EPS8: variants seen among roughly 807,000 people sequenced by gnomAD.
EPS8 encodes epidermal growth factor receptor kinase substrate 8.
In EPS8, 42 loss-of-function variants were observed where a neutral mutation model predicts 103.8. That is an observed-to-expected ratio of 0.40 (90% CI 0.32 to 0.52). EPS8 has a LOEUF of 0.52. Among genes scored for constraint, EPS8 ranks in the 20% least tolerant of loss-of-function variants. The probability of loss-of-function intolerance (pLI) is 0.40; values close to 1 mark genes in which losing one functional copy is unlikely to be tolerated. For missense variants in EPS8, 969 were observed against 1,005.1 expected, an observed-to-expected ratio of 0.96 and a Z score of 0.49; for synonymous variants, 344 against 344.6, an observed-to-expected ratio of 1.00 and a Z score of 0.02.
intron 6 of EPS8, among the ~76,000 whole-genome samples, chr12:15,667,412 T>C (rs1283996980): frequency 6.6e-6 from 1 of 152,178 alleles, no homozygotes; most frequent in Admixed American, 6.5e-5. Context: ...GAGAGGCCAA[T>C]GCATCCCAGT....
chr12:15,685,848 C>G (rs192365610), intron 1 of EPS8, among the ~76,000 whole-genome samples: 66 of 152,226 alleles, frequency 4.3e-4, no homozygotes, highest in Admixed American at 1.4e-3. Context: ...AAATAATGAT[C>G]AACTCTAACT....
chr12:15,645,237 T>C (rs910289976), intron 15 of EPS8, among the ~76,000 whole-genome samples: 4 of 152,138 alleles, frequency 2.6e-5, no homozygotes, highest in East Asian at 1.9e-4. Context: ...GAAACAAATA[T>C]TATTGAGAAT....
chr12:15,669,494 G>C lies in EPS8; in HGVS notation c.409C>G (p.Gln137Glu), dbSNP rs1945774353. Residue 137 changes from glutamine (Q) to glutamate (E), a missense_variant, in exon 6 of 21, where the codon CAA (glutamine) becomes GAA (glutamate). By Grantham distance (29) the Gln-to-Glu change is conservative. Transcript: ENST00000281172. ...NFPLNTIQHCQAVMHSCSYDS... is the reference protein window; with the variant it reads ...NFPLNTIQHCEAVMHSCSYDS... ...TAGCTGCATGAATGCATCACAGCTT[G>C]GCAGTGCTGGATTGTGTTTAAAGGA... The C allele has an allele frequency of 1.2e-6, 2 of 1,613,190 alleles. No individual in the cohort carries two copies. Among genetic ancestry groups the C allele is most frequent in the Admixed American group, 1.7e-5 (1 of 59,840 alleles).
rs1946996822 is a variant in EPS8 at position 15,757,361 on chromosome 12, TGGCTCACAC to T, written c.-22+31791_-22+31799del. On this transcript the variant is annotated intron_variant, in intron 1 of 20. Transcript: ENST00000281172. This position sits in a 1 kb window ranked among gnomAD's most constrained non-coding sequence, Gnocchi z 4.1. Reference sequence around the variant, plus strand: ...AGATGAAGAGATGGGCCAGGCACAGTGGCTCACACCTGGAATCCCAGAACTTTGGGAGGC... The same window carrying T: ...AGATGAAGAGATGGGCCAGGCACAGTCTGGAATCCCAGAACTTTGGGAGGC... Among the ~76,000 whole-genome samples, 10 of 152,274 alleles carry T rather than the reference TGGCTCACAC, an allele frequency of 6.6e-5. No homozygotes were observed. The highest frequency in any genetic ancestry group is 1.9e-4 in the African/African-American group (8 of 41,534).
chr12:15,622,062 C>T (rs544975207), intron 20 of EPS8, among the ~76,000 whole-genome samples: 1 of 152,238 alleles, frequency 6.6e-6, no homozygotes, highest in Non-Finnish European at 1.5e-5. Context: ...GAACAAGAAG[C>T]AAGAGACCAT....
chr12:15,708,575 A>G (rs977354011), intron 1 of EPS8, among the ~76,000 whole-genome samples: 1 of 152,206 alleles, frequency 6.6e-6, no homozygotes, highest in African/African-American at 2.4e-5. Context: ...GTGCATGTAC[A>G]CTTTGTGTAG....
rs1946763153 is a variant in EPS8 at position 15,735,921 on chromosome 12, T to C, written c.-21-52949A>G. ...TGTGTTTTGTGACAGGGTCTTGCTC[T>C]ATTGCCCAGGCTGAAGTACAGTGTC... On this transcript the variant is annotated intron_variant, in intron 1 of 20. Coordinates refer to ENST00000281172, the MANE Select transcript of EPS8 (RefSeq NM_004447.6). This position sits in a 1 kb window ranked among gnomAD's most constrained non-coding sequence, Gnocchi z 4.4. Among the ~76,000 whole-genome samples the C allele has an allele frequency of 6.6e-6, 1 of 152,236 alleles. No homozygotes were observed. The highest frequency in any genetic ancestry group is 2.4e-5 in the African/African-American group (1 of 41,454).
At position 15,632,899 on chromosome 12, in the gene EPS8, C is replaced by T. The variant is rs570113681; in HGVS notation, c.1822-1235G>A. On this transcript the variant is annotated intron_variant, in intron 17 of 20. Transcript: ENST00000281172. ...GAAGGAGCCCTCATTCTTTTCAGCT[C>T]GCTCTACTACTCACTGACCAGTGGG... Among the ~76,000 whole-genome samples the T allele has an allele frequency of 2.0e-5, 3 of 152,272 alleles. No homozygotes were observed. The South Asian group carries it at 6.2e-4, about 32-fold the overall frequency.
Position 15,764,509 on chromosome 12 carries a change from T to C in EPS8, c.-22+24652A>G, listed in dbSNP as rs1408475527. 1.3e-5 allele frequency among the ~76,000 whole-genome samples: 2 copies of C among 152,204 alleles called. No homozygotes were observed. The highest frequency in any genetic ancestry group is 3.8e-4 in the East Asian group (2 of 5,202). On this transcript the variant is annotated intron_variant, in intron 1 of 20. Coordinates refer to ENST00000281172, the MANE Select transcript of EPS8 (RefSeq NM_004447.6). The surrounding 1 kb of genome is among the most constrained non-coding windows in gnomAD (Gnocchi z 4.1). ...ACCAGAACCGAGGACTGATTTTATG[T>C]AAACTGTAAAACCAACAGGCCTTTG...
chr12:15,656,532 T>G (rs990940041), intron 12 of EPS8, among the ~76,000 whole-genome samples: 7 of 152,176 alleles, frequency 4.6e-5, no homozygotes, highest in African/African-American at 1.7e-4. Flanking sequence ...CATTTCATAT[T>G]CTAATTCAGG....
chr12:15,746,783 T>C (rs1946880255), intron 1 of EPS8, among the ~76,000 whole-genome samples: 2 of 152,106 alleles, frequency 1.3e-5, no homozygotes, highest in Non-Finnish European at 2.9e-5. Context: ...ACAAATCTCT[T>C]ATCCTGGAAT....
intron 14 of EPS8, among the ~76,000 whole-genome samples, chr12:15,649,096 C>T (rs1945368824): frequency 6.6e-6 from 1 of 151,994 alleles, no homozygotes; most frequent in African/African-American, 2.4e-5. Flanking sequence ...TTTTTTTAAA[C>T]CTCTGAATAA....
At chr12:15,726,929 A>AT (rs1010692035) in intron 1 of EPS8, among the ~76,000 whole-genome samples, 2 of 152,202 alleles carry the variant, frequency 1.3e-5, no homozygotes, top group Non-Finnish European at 2.9e-5. Flanking sequence ...ATAGAAAGCT[A>AT]TTTTCATTAC....
intron 1 of EPS8, among the ~76,000 whole-genome samples, chr12:15,685,358 A>C (rs1434548548): frequency 6.6e-6 from 1 of 152,080 alleles, no homozygotes; most frequent in African/African-American, 2.4e-5. Context: ...TTCTTCCAAA[A>C]CTGAAAAAAA....
rs1946681612 is a variant in EPS8 at position 15,728,750 on chromosome 12, A to T, written c.-21-45778T>A. ...AGTTTAAACTGAAAATGTTTGTTGC[A>T]GAGATGCTATTTCTAGAAATATTTA... On this transcript the variant is annotated intron_variant, in intron 1 of 20. Transcript: ENST00000281172. The surrounding 1 kb of genome is among the most constrained non-coding windows in gnomAD (Gnocchi z 4.5). Among the ~76,000 whole-genome samples, 1 of 152,232 alleles carries T rather than the reference A, an allele frequency of 6.6e-6. No homozygotes were observed. Among genetic ancestry groups the T allele is most frequent in the Non-Finnish European group, 1.5e-5 (1 of 68,046 alleles).
intron 18 of EPS8, among the ~76,000 whole-genome samples, chr12:15,628,557 G>A (rs1454267308): frequency 1.3e-5 from 2 of 152,224 alleles, no homozygotes; most frequent in Non-Finnish European, 2.9e-5. Context: ...TCTTAAAAGC[G>A]ATAAAAGGAG....
In EPS8 at chr12:15,702,977, C is replaced by A. The variant is rs546077723; in HGVS notation, c.-21-20005G>T. 3.9e-5 allele frequency among the ~76,000 whole-genome samples: 6 copies of A among 152,158 alleles called. No homozygotes were observed. In the East Asian group the frequency reaches 7.8e-4, roughly 20 times the overall value. On this transcript the variant is annotated intron_variant, in intron 1 of 20. Transcript: ENST00000281172. The surrounding 1 kb of genome is among the most constrained non-coding windows in gnomAD (Gnocchi z 5.1). ...CATCCTGGCCAACATAGTGAAACCC[C>A]ATCTCCACTAAAAATACAAAAATTA...
chr12:15,634,049 G>A (rs1945094641), intron 17 of EPS8, among the ~76,000 whole-genome samples: 1 of 152,136 alleles, frequency 6.6e-6, no homozygotes, highest in Admixed American at 6.5e-5. Context: ...GTAATGTCTT[G>A]GAGAACAGAA....
In EPS8 at chr12:15,761,771, TC is replaced by T. The variant is rs1947044381; in HGVS notation, c.-22+27389del. 6.6e-6 allele frequency among the ~76,000 whole-genome samples: 1 copy of T among 152,036 alleles called. No individual in the cohort carries two copies. The highest frequency in any genetic ancestry group is 2.4e-5 in the African/African-American group (1 of 41,396). On this transcript the variant is annotated intron_variant, in intron 1 of 20. Coordinates refer to ENST00000281172, the MANE Select transcript of EPS8 (RefSeq NM_004447.6). The surrounding 1 kb of genome is among the most constrained non-coding windows in gnomAD (Gnocchi z 4.5). ...AACTAGACCCCTATCTCTCGCCACA[TC>T]CAAAAATCAAAGCTAAATAGATTAA...
Sources: allele counts gnomAD v4.1 joint callset (sites outside exome capture counted in the v4.1 genomes callset), GRCh38; gene constraint gnomAD v4.1.1; non-coding constraint Gnocchi (gnomAD v3.1); transcripts MANE v1.5; gene names NCBI Gene and HGNC (gene_info 2026-07-23, HGNC 2026-07-21).